The following RIGI variants were observed in gnomAD, a reference collection of about 807,000 sequenced individuals.
The protein encoded by RIGI is antiviral innate immune response receptor RIG-I.
At chr9:32,509,567 C>T in the RIGI span, among the ~76,000 whole-genome samples, 2 of 152,080 alleles carry the variant, frequency 1.3e-5, no homozygotes, top group Non-Finnish European at 2.9e-5. Flanking sequence ...AAAGGACATC[C>T]ACACAGATAA....
the RIGI span, among the ~76,000 whole-genome samples, chr9:32,519,930 G>A: frequency 1.3e-5 from 2 of 152,136 alleles, no homozygotes; most frequent in Admixed American, 6.5e-5. Context: ...TTCTAGTGGT[G>A]TAAGTCACTT....
chr9:32,487,701 A>C, the RIGI span: 3 of 1,563,730 alleles, frequency 1.9e-6, no homozygotes, highest in Non-Finnish European at 2.6e-6. Flanking sequence ...CCCCTCATAT[A>C]ACTCTTTCCT....
At chr9:32,518,463 G>C in the RIGI span, among the ~76,000 whole-genome samples, 1 of 151,682 alleles carries the variant, frequency 6.6e-6, no homozygotes, top group Non-Finnish European at 1.5e-5. Flanking sequence ...GATGGTGTGT[G>C]TAAGTCATGT....
At chr9:32,472,531 A>T in the RIGI span, among the ~76,000 whole-genome samples, 1 of 152,180 alleles carries the variant, frequency 6.6e-6, no homozygotes. Context: ...ATCAAAAGAG[A>T]GTTCACTCCA....
the RIGI span, among the ~76,000 whole-genome samples, chr9:32,499,273 G>A: frequency 1.6e-5 from 2 of 125,600 alleles, no homozygotes; most frequent in Non-Finnish European, 3.3e-5. Context: ...ATCCTTTGGT[G>A]ATTATACATT....
At chr9:32,517,203 T>C in the RIGI span, among the ~76,000 whole-genome samples, 1 of 152,164 alleles carries the variant, frequency 6.6e-6, no homozygotes, top group African/African-American at 2.4e-5. Context: ...CTTCTAAAAA[T>C]CAAACTGCCA....
At chr9:32,525,319 A>T in the RIGI span, among the ~76,000 whole-genome samples, 4 of 152,148 alleles carry the variant, frequency 2.6e-5, no homozygotes, top group South Asian at 8.3e-4. Context: ...TGGCACCCCG[A>T]ACAGCAACAG....
the RIGI span, among the ~76,000 whole-genome samples, chr9:32,473,655 G>A: frequency 6.6e-6 from 1 of 152,166 alleles, no homozygotes; most frequent in East Asian, 1.9e-4. Context: ...AGTGAGTTTA[G>A]CATGATCACA....
chr9:32,497,152 TTA>T, the RIGI span, among the ~76,000 whole-genome samples: 1 of 152,334 alleles, frequency 6.6e-6, no homozygotes, highest in South Asian at 2.1e-4. Context: ...TATAGGCAAC[TTA>T]AGTCTTTAAT....
the RIGI span, among the ~76,000 whole-genome samples, chr9:32,484,531 C>A: frequency 1.3e-5 from 2 of 152,216 alleles, no homozygotes; most frequent in African/African-American, 2.4e-5. Flanking sequence ...GGGAAATCAG[C>A]CCCTCCTGCC....
the RIGI span, among the ~76,000 whole-genome samples, chr9:32,506,248 T>C: frequency 2.0e-5 from 3 of 152,088 alleles, no homozygotes; most frequent in Non-Finnish European, 4.4e-5. Flanking sequence ...CATAAATGAA[T>C]AAATGAATCA....
the RIGI span, among the ~76,000 whole-genome samples, chr9:32,474,202 CAAA>C: frequency 3.9e-5 from 2 of 50,900 alleles, no homozygotes; most frequent in Non-Finnish European, 6.9e-5. Context: ...GACCCTGTCT[CAAA>C]AAAAAAAAAA....
At chr9:32,480,470 T>C in the RIGI span, 4 of 1,030,896 alleles carry the variant, frequency 3.9e-6, no homozygotes, top group Non-Finnish European at 5.3e-6. Flanking sequence ...TTTTCAAATC[T>C]ATTCCAACTT....
At chr9:32,484,117 G>C in the RIGI span, among the ~76,000 whole-genome samples, 5 of 152,286 alleles carry the variant, frequency 3.3e-5, no homozygotes, top group East Asian at 5.8e-4. Flanking sequence ...ACATTGGAAA[G>C]ATAAGTAGAA....
the RIGI span, among the ~76,000 whole-genome samples, chr9:32,457,611 C>T: frequency 1.2e-4 from 19 of 152,044 alleles, no homozygotes; most frequent in East Asian, 2.5e-3. Flanking sequence ...CACCTGACTC[C>T]CCTCTACAGG....
chr9:32,464,279 C>G, the RIGI span, among the ~76,000 whole-genome samples: 1 of 151,448 alleles, frequency 6.6e-6, no homozygotes, highest in Non-Finnish European at 1.5e-5. Flanking sequence ...ACCCAAACCC[C>G]AAACCCTTAT....
At chr9:32,487,703 C>T in the RIGI span, 2 of 1,557,076 alleles carry the variant, frequency 1.3e-6, no homozygotes, top group Non-Finnish European at 8.7e-7. Context: ...CCTCATATAA[C>T]TCTTTCCTGC....
At chr9:32,518,429 A>C in the RIGI span, among the ~76,000 whole-genome samples, 2 of 151,758 alleles carry the variant, frequency 1.3e-5, no homozygotes, top group African/African-American at 4.8e-5. Flanking sequence ...TCCAGGACAA[A>C]TCAGAAAGTC....
the RIGI span, among the ~76,000 whole-genome samples, chr9:32,485,989 T>C: frequency 6.6e-6 from 1 of 152,202 alleles, no homozygotes. Context: ...ACACTGATCC[T>C]ACCATTTATC....
Sources: gnomAD v4.1 joint callset for allele counts (sites outside exome capture counted in the v4.1 genomes callset) on GRCh38, gnomAD v4.1.1 for gene constraint, MANE v1.5 for transcripts, NCBI Gene and HGNC (gene_info 2026-07-23, HGNC 2026-07-21) for gene names.